ZNF185: variants seen among roughly 807,000 people sequenced by gnomAD.
ZNF185 encodes zinc finger protein 185 with LIM domain.
Under a neutral mutation model 58.6 loss-of-function variants are expected in ZNF185, and 56 were observed. The ratio of observed to expected loss-of-function variants is 0.95; its 90% CI spans 0.77 to 1.19. The LOEUF (loss-of-function observed/expected upper bound fraction) is 1.19. Among genes scored for constraint, ZNF185 ranks in the 50% most tolerant of loss-of-function variants. ZNF185 has a pLI of 0.00. For synonymous variants in ZNF185, 230 were observed against 215.9 expected, an observed-to-expected ratio of 1.07 and a Z score of -0.57; for missense variants, 627 against 573.5, an observed-to-expected ratio of 1.09 and a Z score of -0.95.
chrX:152,918,342 G>T (rs1938944900), intron 6 of ZNF185, among the ~76,000 whole-genome samples, 188 bp downstream of exon 7: 1 of 113,116 alleles, frequency 8.8e-6, no homozygotes. Context: ...CCAGAAAACT[G>T]GATGGCTGTG....
At chrX:152,907,072 A>G in the ZNF185 span, among the ~76,000 whole-genome samples, 901 of 110,130 alleles carry the variant, frequency 8.2e-3, 5 homozygotes, top group Middle Eastern at 0.019. Flanking sequence ...GGCAGCGGGG[A>G]AGTTCTACAA....
chrX:152,909,856 TCTC>T (rs782420163), upstream of ZNF185, among the ~76,000 whole-genome samples: 25 of 109,733 alleles, frequency 2.3e-4, no homozygotes, highest in African/African-American at 7.3e-4. Flanking sequence ...ATCTGTTCAT[TCTC>T]CTCACCTCCC....
intron 11 of ZNF185, among the ~76,000 whole-genome samples, chrX:152,923,984 T>C (rs1424566897): frequency 8.9e-6 from 1 of 111,769 alleles, no homozygotes; most frequent in Non-Finnish European, 1.9e-5. Flanking sequence ...CTCCCACTTC[T>C]GGAGGCTAGA....
chrX:152,922,048 C>T, intron 9 of ZNF185, 125 bp from the exon 11 acceptor site: 1 of 672,741 alleles, frequency 1.5e-6, no homozygotes, highest in Non-Finnish European at 2.3e-6. Context: ...CAGCCTGGGC[C>T]ACCTCTTGGC....
At chrX:152,968,954 G>A (rs782286081) in intron 20 of ZNF185, among the ~76,000 whole-genome samples, 1 of 111,578 alleles carries the variant, frequency 9.0e-6, no homozygotes, top group South Asian at 3.8e-4. Flanking sequence ...AGCTCAGTTG[G>A]CCCAGGCGTG....
chrX:152,940,132 G>T (rs1363787311), intron 15 of ZNF185, among the ~76,000 whole-genome samples: 1 of 110,489 alleles, frequency 9.1e-6, no homozygotes, highest in Non-Finnish European at 1.9e-5. Flanking sequence ...CTGTACTTGA[G>T]AATCACCTAG....
At chrX:152,942,675 C>T (rs782531425) in intron 15 of ZNF185, among the ~76,000 whole-genome samples, 1 of 112,274 alleles carries the variant, frequency 8.9e-6, no homozygotes, top group Non-Finnish European at 1.9e-5. Context: ...CCATCTAGAA[C>T]ATGCTGTTTT....
At chrX:152,915,163 G>T in exon 3 of ZNF185, 1 of 1,210,417 alleles carries the variant, frequency 8.3e-7, no homozygotes, top group Non-Finnish European at 1.1e-6. Flanking sequence ...CCGGAGTCGC[G>T]CCACATCCTT....
chrX:152,940,607 C>T (rs1419626073), intron 15 of ZNF185, among the ~76,000 whole-genome samples: 3 of 111,361 alleles, frequency 2.7e-5, no homozygotes, highest in Admixed American at 9.5e-5. Context: ...AGTGGCCGCC[C>T]TTAGAAGCAA....
intron 15 of ZNF185, chrX:152,941,660 A>T (rs782344088): frequency 1.9e-5 from 22 of 1,158,741 alleles, no homozygotes; most frequent in Admixed American, 5.2e-5. Context: ...TGAAGCCCCG[A>T]ACTCGGTCGC....
chrX:152,931,637 G>C, intron 12 of ZNF185, 35 bp from the exon 14 acceptor site: 1 of 1,147,012 alleles, frequency 8.7e-7, no homozygotes, highest in Non-Finnish European at 1.2e-6. Flanking sequence ...GTGAATGGCT[G>C]CTGCATGGTT....
chrX:152,928,503 C>T (rs782706373), intron 11 of ZNF185, 72 bp from the exon 13 acceptor site: 96 of 1,094,295 alleles, frequency 8.8e-5, no homozygotes, highest in Admixed American at 1.6e-4. Flanking sequence ...GGCGGCCCAC[C>T]GCACTCACCA....
At chrX:152,960,390 G>T (rs2049336109) in intron 17 of ZNF185, among the ~76,000 whole-genome samples, 1 of 112,483 alleles carries the variant, frequency 8.9e-6, no homozygotes. Context: ...TTGATTGCAA[G>T]AAGTTGGCAG....
intron 2 of ZNF185, 38 bp downstream of exon 3, chrX:152,914,871 G>A (rs782492819): frequency 2.2e-5 from 26 of 1,162,058 alleles, no homozygotes; most frequent in Middle Eastern, 2.3e-4. Flanking sequence ...CAGCAACGTG[G>A]GGGCGCGCAA....
In ZNF185 at chrX:152,931,654, C is replaced by A; in HGVS notation, c.918-18C>A. 8.4e-7 allele frequency: 1 copy of A among 1,189,275 alleles called. No individual in the cohort carries two copies. On this transcript the variant is annotated intron_variant, in intron 12 of 22. Coordinates refer to ENST00000449285, the Ensembl canonical transcript of ZNF185. ...GAATGGCTGCTGCATGGTTAACTTC[C>A]ATTTCTTTCCTCCATAGGTCTTCCC...
intron 17 of ZNF185, among the ~76,000 whole-genome samples, chrX:152,960,809 C>T (rs1410457965): frequency 8.9e-6 from 1 of 112,271 alleles, no homozygotes; most frequent in Non-Finnish European, 1.9e-5. Context: ...GGAAGTGCTT[C>T]ACAGCCATTG....
At chrX:152,941,682 G>A (rs1408433411) in intron 15 of ZNF185, 3 of 1,163,010 alleles carry the variant, frequency 2.6e-6, no homozygotes, top group Admixed American at 2.6e-5. Context: ...GTGCCCGCCG[G>A]GAAAATGCGA....
chrX:152,938,151 C>G, exon 15 of ZNF185: 2 of 1,183,136 alleles, frequency 1.7e-6, no homozygotes, highest in Non-Finnish European at 1.1e-6. Flanking sequence ...GATGCAAAGG[C>G]AGACCCAAAG....
chrX:152,903,293 G>A, the ZNF185 span, among the ~76,000 whole-genome samples: 10 of 103,142 alleles, frequency 9.7e-5, no homozygotes, highest in Admixed American at 1.1e-4. Context: ...GGAGGCTGAG[G>A]CAGGAGAATT....
Sources: allele counts gnomAD v4.1 joint callset (sites outside exome capture counted in the v4.1 genomes callset), GRCh38; gene constraint gnomAD v4.1.1; transcripts MANE v1.5; gene names NCBI Gene and HGNC (gene_info 2026-07-23, HGNC 2026-07-21).